IL1RAPL2: variants seen among roughly 807,000 people sequenced by gnomAD.
IL1RAPL2 encodes X-linked interleukin-1 receptor accessory protein-like 2.
Under a neutral mutation model 44.1 loss-of-function variants are expected in IL1RAPL2, and 3 were observed. The ratio of observed to expected loss-of-function variants is 0.07; its 90% CI spans 0.03 to 0.18. IL1RAPL2 has a LOEUF of 0.18. Ranked by LOEUF, IL1RAPL2 falls within the 10% of genes least tolerant of loss-of-function variation. The pLI is 1.00. For synonymous variants in IL1RAPL2, 181 were observed against 178.8 expected (o/e 1.01, Z -0.10); for missense variants, 391 against 496.4 (o/e 0.79, Z 2.02).
intron 5 of IL1RAPL2, among the ~76,000 whole-genome samples, chrX:105,359,800 T>C (rs2147710501): frequency 9.0e-6 from 1 of 110,941 alleles, no homozygotes; most frequent in East Asian, 2.8e-4. Flanking sequence ...TTAATTACCA[T>C]TGGTTATCGT....
intron 2 of IL1RAPL2, among the ~76,000 whole-genome samples, chrX:104,923,620 C>T (rs1213366197): frequency 3.6e-5 from 4 of 111,408 alleles, no homozygotes; most frequent in African/African-American, 1.3e-4. Flanking sequence ...AATTTGTCAC[C>T]ACTAGACTGG....
At chrX:105,164,473 A>G (rs2033354559) in intron 2 of IL1RAPL2, among the ~76,000 whole-genome samples, 1 of 112,169 alleles carries the variant, frequency 8.9e-6, no homozygotes, top group Non-Finnish European at 1.9e-5. Flanking sequence ...CGACCTTGAT[A>G]CTGTGCAAAG....
At chrX:105,545,781 T>A (rs1297098007) in intron 6 of IL1RAPL2, among the ~76,000 whole-genome samples, 2 of 111,634 alleles carry the variant, frequency 1.8e-5, no homozygotes, top group African/African-American at 3.3e-5. Context: ...TGGATTCCTT[T>A]TTCTTCAAAG....
intron 7 of IL1RAPL2, among the ~76,000 whole-genome samples, chrX:105,736,661 CACA>C (rs1321297956): frequency 2.7e-5 from 3 of 111,379 alleles, no homozygotes; most frequent in Admixed American, 9.5e-5. Context: ...TAATCAAAAC[CACA>C]ACAAGATACC....
At chrX:105,330,766 C>T (rs1286667874) in intron 5 of IL1RAPL2, among the ~76,000 whole-genome samples, 1 of 111,400 alleles carries the variant, frequency 9.0e-6, no homozygotes, top group Non-Finnish European at 1.9e-5. Flanking sequence ...TATATTCTTA[C>T]TTTCCACTTA....
At chrX:104,574,318 A>G (rs2147989653) in intron 1 of IL1RAPL2, among the ~76,000 whole-genome samples, 1 of 111,768 alleles carries the variant, frequency 8.9e-6, no homozygotes, top group South Asian at 3.7e-4. Flanking sequence ...AAAATTCATG[A>G]ATAGAATACT....
At chrX:105,135,070 A>C (rs2033063961) in intron 2 of IL1RAPL2, among the ~76,000 whole-genome samples, 1 of 109,526 alleles carries the variant, frequency 9.1e-6, no homozygotes, top group Admixed American at 9.9e-5. Flanking sequence ...AAAGATGCCC[A>C]CTTGCAACAT....
At chrX:104,922,318 T>TA (rs1485675437) in intron 2 of IL1RAPL2, among the ~76,000 whole-genome samples, 1 of 112,984 alleles carries the variant, frequency 8.9e-6, no homozygotes, top group African/African-American at 3.2e-5. Context: ...CAACTGCAAA[T>TA]ATCACTGTAC....
chrX:105,241,202 G>A (rs181478060), intron 4 of IL1RAPL2, among the ~76,000 whole-genome samples: 4 of 111,508 alleles, frequency 3.6e-5, no homozygotes, highest in African/African-American at 6.5e-5. Context: ...ACTTAATTTC[G>A]AAATTGGAAT....
chrX:105,015,900 G>T (rs1315702538), intron 2 of IL1RAPL2, among the ~76,000 whole-genome samples: 6 of 111,365 alleles, frequency 5.4e-5, no homozygotes, highest in Non-Finnish European at 1.1e-4. Flanking sequence ...AAATTACTTT[G>T]ATCAGTATGG....
In IL1RAPL2 at chrX:105,052,706, C is replaced by CT. The variant is rs371816795; in HGVS notation, c.83-142758dup. ...TAAATCCCTTGGATTTCAGCTGTTT[C>CT]TTTTTTTTTTTCTTTTTTTAACTTT... is the stretch of plus-strand genomic sequence containing the variant. On this transcript the variant is annotated intron_variant, in intron 2 of 10. Transcript: ENST00000372582. Among the ~76,000 whole-genome samples the CT allele has an allele frequency of 7.8e-3, 804 of 103,388 alleles. 4 individuals carry two copies. The highest frequency in any genetic ancestry group is 0.03 in the Middle Eastern group (6 of 202). The allele number at this position is 103,388 out of a possible 115,157, so 89.8% of individuals were successfully genotyped here.
chrX:104,880,480 C>T (rs1923034187), intron 2 of IL1RAPL2, among the ~76,000 whole-genome samples: 1 of 111,661 alleles, frequency 9.0e-6, no homozygotes, highest in African/African-American at 3.2e-5. Context: ...ACATAGAATA[C>T]ATTTTCTTGT....
chrX:105,611,935 A>G (rs1377154805), intron 6 of IL1RAPL2, among the ~76,000 whole-genome samples: 1 of 111,287 alleles, frequency 9.0e-6, no homozygotes, highest in Non-Finnish European at 1.9e-5. Flanking sequence ...GGTATTCTCT[A>G]GTTTGGGTCT....
chrX:104,962,174 A>T (rs993289118), intron 2 of IL1RAPL2, among the ~76,000 whole-genome samples: 1 of 112,011 alleles, frequency 8.9e-6, no homozygotes, highest in East Asian at 2.8e-4. Context: ...TTGGGCAATC[A>T]AGTTATAAAA....
At chrX:105,275,101 C>T (rs889218633) in intron 5 of IL1RAPL2, among the ~76,000 whole-genome samples, 2 of 110,115 alleles carry the variant, frequency 1.8e-5, no homozygotes, top group African/African-American at 6.6e-5. Context: ...GTCCCAGCTA[C>T]TTGGGAGGCA....
chrX:104,581,082 T>C (rs936663747), intron 1 of IL1RAPL2, among the ~76,000 whole-genome samples: 3 of 112,588 alleles, frequency 2.7e-5, no homozygotes, highest in African/African-American at 6.5e-5. Context: ...TTTTAAATTA[T>C]GCATCTCTAA....
At chrX:105,485,858 T>C (rs765123496) in intron 6 of IL1RAPL2, among the ~76,000 whole-genome samples, 1 of 112,243 alleles carries the variant, frequency 8.9e-6, no homozygotes, top group South Asian at 3.7e-4. Context: ...CATCTGTCTG[T>C]TGATGGACAC....
intron 2 of IL1RAPL2, among the ~76,000 whole-genome samples, chrX:105,119,456 C>T (rs747622223): frequency 1.8e-5 from 2 of 111,038 alleles, no homozygotes; most frequent in Non-Finnish European, 3.8e-5. Flanking sequence ...CACAGCGGCT[C>T]GATCCTGCAT....
chrX:104,731,045 C>A (rs1277667279), intron 2 of IL1RAPL2, among the ~76,000 whole-genome samples: 2 of 111,472 alleles, frequency 1.8e-5, no homozygotes, highest in African/African-American at 6.5e-5. Flanking sequence ...CTGTTCATAT[C>A]CTTTGCCCAA....
Sources: gnomAD v4.1 joint callset for allele counts (sites outside exome capture counted in the v4.1 genomes callset) on GRCh38, gnomAD v4.1.1 for gene constraint, MANE v1.5 for transcripts, NCBI Gene and HGNC (gene_info 2026-07-23, HGNC 2026-07-21) for gene names.